TRPC4: variants seen among roughly 807,000 people sequenced by gnomAD.
The protein encoded by TRPC4 is transient receptor potential cation channel subfamily C member 4.
Under a neutral mutation model 99.4 loss-of-function variants are expected in TRPC4, and 49 were observed. The observed-to-expected ratio is 0.49, with a 90% CI of 0.39 to 0.63. The LOEUF (loss-of-function observed/expected upper bound fraction) is 0.63, where lower values mean the gene tolerates loss of function less well. TRPC4 is among the 20% of genes least tolerant of loss of function. The pLI is 0.00. For missense variants in TRPC4, 898 were observed against 1,152.9 expected (o/e 0.78, Z 3.20); for synonymous variants, 454 against 425.9 (o/e 1.07, Z -0.81).
At chr13:37,728,583 AT>A in intron 3 of TRPC4, among the ~76,000 whole-genome samples, 1 of 152,106 alleles carries the variant, frequency 6.6e-6, no homozygotes, top group Non-Finnish European at 1.5e-5. Flanking sequence ...GGAAGACTTA[AT>A]AGTATTAAGA....
At chr13:37,867,504 T>C (rs1959841612) in intron 1 of TRPC4, among the ~76,000 whole-genome samples, 1 of 152,052 alleles carries the variant, frequency 6.6e-6, no homozygotes, top group African/African-American at 2.4e-5. Flanking sequence ...AAGGGGGTTA[T>C]TATATTTCAA....
chr13:37,793,360 T>C (rs978453417), intron 1 of TRPC4, among the ~76,000 whole-genome samples: 52 of 152,160 alleles, frequency 3.4e-4, no homozygotes, highest in African/African-American at 1.2e-3. Flanking sequence ...TATATATACA[T>C]GTGCCATGTT....
At chr13:37,728,026 A>G (rs574096195) in intron 3 of TRPC4, among the ~76,000 whole-genome samples, 1 of 152,218 alleles carries the variant, frequency 6.6e-6, no homozygotes, top group East Asian at 1.9e-4. Flanking sequence ...CAAATTAGGC[A>G]TGGAAGGAAA....
At chr13:37,744,666 C>T (rs1955687411) in intron 3 of TRPC4, among the ~76,000 whole-genome samples, 1 of 152,116 alleles carries the variant, frequency 6.6e-6, no homozygotes, top group Admixed American at 6.6e-5. Context: ...ATCATTAAGG[C>T]CAAATTCAAA....
intron 3 of TRPC4, among the ~76,000 whole-genome samples, chr13:37,743,694 G>A (rs1367361672): frequency 2.0e-5 from 3 of 152,130 alleles, no homozygotes; most frequent in Non-Finnish European, 2.9e-5. Flanking sequence ...CATGACCAAA[G>A]TGTATTAATT....
At chr13:37,701,828 G>C (rs1409582715) in intron 3 of TRPC4, among the ~76,000 whole-genome samples, 1 of 152,088 alleles carries the variant, frequency 6.6e-6, no homozygotes, top group Admixed American at 6.6e-5. Flanking sequence ...ATATTGAAAT[G>C]TTTTATACAT....
intron 6 of TRPC4, among the ~76,000 whole-genome samples, chr13:37,656,519 A>G (rs1490865539): frequency 6.6e-6 from 1 of 152,146 alleles, no homozygotes; most frequent in East Asian, 1.9e-4. Flanking sequence ...TTCTCACCCA[A>G]TACCTCCATG....
chr13:37,821,642 G>T (rs1958014324), intron 1 of TRPC4, among the ~76,000 whole-genome samples: 1 of 151,804 alleles, frequency 6.6e-6, no homozygotes, highest in Admixed American at 6.6e-5. Flanking sequence ...AAAATAGAAA[G>T]CCTAGAAATA....
At chr13:37,848,017 G>A (rs1223303633) in intron 1 of TRPC4, among the ~76,000 whole-genome samples, 17 of 152,024 alleles carry the variant, frequency 1.1e-4, no homozygotes, top group Admixed American at 1.1e-3. Context: ...AAGTACAGAT[G>A]GCCTACAACT....
At chr13:37,776,386 G>A (rs188005650) in intron 2 of TRPC4, among the ~76,000 whole-genome samples, 9 of 151,828 alleles carry the variant, frequency 5.9e-5, no homozygotes, top group Admixed American at 5.3e-4. Context: ...GTCTCAATAT[G>A]GGATAAGTAT....
intron 1 of TRPC4, among the ~76,000 whole-genome samples, chr13:37,809,609 C>T (rs192949609): frequency 6.6e-6 from 1 of 151,972 alleles, no homozygotes; most frequent in East Asian, 1.9e-4. Flanking sequence ...ATGTTCAAGA[C>T]AGGGGTTATA....
Position 37,663,485 on chromosome 13 carries a change from T to C in TRPC4, c.1619A>G (p.Tyr540Cys), listed in dbSNP as rs751766544. The change falls in exon 6 of 11, where the codon TAT becomes TGT. Residue 540 changes from tyrosine to cysteine, a missense_variant. Physicochemically the swap from Tyr to Cys is radical, Grantham distance 194. Transcript: ENST00000379705. ...FANGLNQLYF[Y>C]YEETKGLTCK... Reference sequence around the variant, plus strand: ...GGTTAACCCTTTCGTTTCTTCATAATAGAAGTACAATTGATTTAGGCCATT... The same window carrying C: ...GGTTAACCCTTTCGTTTCTTCATAACAGAAGTACAATTGATTTAGGCCATT... 1 of 1,614,194 alleles carries C rather than the reference T, an allele frequency of 6.2e-7. No individual in the cohort carries two copies. The highest frequency in any genetic ancestry group is 1.1e-5 in the South Asian group (1 of 91,084).
chr13:37,689,971 G>A (rs1953627963), intron 4 of TRPC4, among the ~76,000 whole-genome samples: 1 of 152,038 alleles, frequency 6.6e-6, no homozygotes, highest in Non-Finnish European at 1.5e-5. Flanking sequence ...TTCATTGATG[G>A]TATCAAGGAA....
intron 4 of TRPC4, among the ~76,000 whole-genome samples, chr13:37,684,464 T>C (rs1358813896): frequency 6.6e-6 from 1 of 152,126 alleles, no homozygotes; most frequent in African/African-American, 2.4e-5. Flanking sequence ...CACCTAAAAA[T>C]AGTTACTTAA....
intron 2 of TRPC4, among the ~76,000 whole-genome samples, chr13:37,775,040 A>G (rs2139309574): frequency 6.6e-6 from 1 of 151,798 alleles, no homozygotes; most frequent in Admixed American, 6.6e-5. Context: ...AATCATGTTA[A>G]TAATGGATTA....
At chr13:37,833,988 A>G (rs1005839935) in intron 1 of TRPC4, among the ~76,000 whole-genome samples, 1 of 152,216 alleles carries the variant, frequency 6.6e-6, no homozygotes, top group Admixed American at 6.5e-5. Context: ...GAGCTAATAA[A>G]TCATGATACC....
At chr13:37,646,626 C>A (rs1279323944) in intron 8 of TRPC4, among the ~76,000 whole-genome samples, 2 of 152,088 alleles carry the variant, frequency 1.3e-5, no homozygotes, top group African/African-American at 4.8e-5. Flanking sequence ...TGGTAGATAC[C>A]AATGCTGTCT....
At chr13:37,702,425 T>G (rs757612379) in intron 3 of TRPC4, among the ~76,000 whole-genome samples, 20 of 152,180 alleles carry the variant, frequency 1.3e-4, no homozygotes, top group Non-Finnish European at 2.5e-4. Context: ...ACATAAAAAT[T>G]GATATTTCAA....
chr13:37,692,929 A>T (rs907089509), intron 3 of TRPC4, among the ~76,000 whole-genome samples: 17 of 152,208 alleles, frequency 1.1e-4, no homozygotes, highest in African/African-American at 3.9e-4. Context: ...CCAGAATGTT[A>T]ATCATCATAG....
Sources: gnomAD v4.1 joint callset for allele counts (sites outside exome capture counted in the v4.1 genomes callset) on GRCh38, gnomAD v4.1.1 for gene constraint, MANE v1.5 for transcripts, NCBI Gene and HGNC (gene_info 2026-07-23, HGNC 2026-07-21) for gene names.